The following B4GALT5 variants were observed in gnomAD, a reference collection of about 807,000 sequenced individuals.
B4GALT5 encodes beta-1,4-galactosyltransferase 5.
A neutral mutation model predicts 45.0 loss-of-function variants in B4GALT5; 11 were observed. That is an observed-to-expected ratio of 0.24 (90% CI 0.15 to 0.40). B4GALT5 has a LOEUF of 0.40. B4GALT5 is among the 10% of genes least tolerant of loss of function. B4GALT5 has a pLI of 1.00. For missense variants in B4GALT5, 337 were observed against 500.2 expected (o/e 0.67, Z 3.11); for synonymous variants, 185 against 182.9 (o/e 1.01, Z -0.09).
At chr20:49,650,561 C>G (rs138343002) in intron 2 of B4GALT5, among the ~76,000 whole-genome samples, 3,001 of 151,906 alleles carry the variant, frequency 0.02, 107 homozygotes, top group African/African-American at 0.07. Flanking sequence ...CGCTTGAACC[C>G]AGGAGGCAGA....
intron 1 of B4GALT5, among the ~76,000 whole-genome samples, chr20:49,693,043 T>A (rs2085822916): frequency 6.6e-6 from 1 of 152,218 alleles, no homozygotes; most frequent in African/African-American, 2.4e-5. Flanking sequence ...TGTAGAGATT[T>A]GTAGCCTACG....
intron 1 of B4GALT5, among the ~76,000 whole-genome samples, chr20:49,689,093 G>A (rs1180830169): frequency 6.6e-6 from 1 of 152,144 alleles, no homozygotes; most frequent in Non-Finnish European, 1.5e-5. Context: ...GATTTGTATT[G>A]AGTGCTAGCC....
intron 3 of B4GALT5, among the ~76,000 whole-genome samples, chr20:49,645,029 C>CA (rs971755047): frequency 4.6e-5 from 7 of 151,832 alleles, no homozygotes; most frequent in Middle Eastern, 6.8e-3. Flanking sequence ...ACACGAGATT[C>CA]AAAAAAAAGA....
intron 2 of B4GALT5, among the ~76,000 whole-genome samples, chr20:49,654,114 T>C (rs1568719287): frequency 6.6e-6 from 1 of 152,198 alleles, no homozygotes; most frequent in Non-Finnish European, 1.5e-5. Flanking sequence ...GACACAAATG[T>C]TCCCTTACTC....
chr20:49,646,937 G>A (rs760001137), intron 3 of B4GALT5, 28 bp downstream of exon 3: 1 of 1,453,430 alleles, frequency 6.9e-7, no homozygotes, highest in South Asian at 1.2e-5. Context: ...TTTAAAAGCA[G>A]AGGAAGACAG....
intron 1 of B4GALT5, among the ~76,000 whole-genome samples, chr20:49,688,676 C>G (rs751444231): frequency 6.6e-6 from 1 of 152,124 alleles, no homozygotes; most frequent in African/African-American, 2.4e-5. Flanking sequence ...CAGTGGCTCA[C>G]GCCTGTAATC....
chr20:49,702,168 T>C (rs1055882427), intron 1 of B4GALT5, among the ~76,000 whole-genome samples: 6 of 152,172 alleles, frequency 3.9e-5, no homozygotes, highest in African/African-American at 1.4e-4. Context: ...AAATCCCGTG[T>C]CGCCTGCCGA....
At chr20:49,643,683 T>A (rs953856378) in intron 3 of B4GALT5, 33 bp from the exon 4 acceptor site, 5 of 1,597,794 alleles carry the variant, frequency 3.1e-6, no homozygotes, top group Admixed American at 3.4e-5. Context: ...GATTAAGAGG[T>A]CAGAAAATGA....
chr20:49,651,472 CCAGCTACTCA>C (rs1319170047), intron 2 of B4GALT5, among the ~76,000 whole-genome samples: 8 of 151,806 alleles, frequency 5.3e-5, no homozygotes, highest in Admixed American at 5.3e-4. Flanking sequence ...ACCTGTAATC[CCAGCTACTCA>C]GGAGGCTGAG....
At chr20:49,706,326 A>C (rs985001661) in intron 1 of B4GALT5, among the ~76,000 whole-genome samples, 1 of 152,176 alleles carries the variant, frequency 6.6e-6, no homozygotes, top group Non-Finnish European at 1.5e-5. Context: ...TTTGAAAACA[A>C]AATGAATCTG....
At chr20:49,655,676 C>T (rs1861894131) in intron 2 of B4GALT5, among the ~76,000 whole-genome samples, 1 of 151,978 alleles carries the variant, frequency 6.6e-6, no homozygotes, top group South Asian at 2.1e-4. Flanking sequence ...TGCCTGTAGT[C>T]CCAGCACTTT....
At chr20:49,695,354 T>G (rs189636267) in intron 1 of B4GALT5, among the ~76,000 whole-genome samples, 4 of 152,088 alleles carry the variant, frequency 2.6e-5, no homozygotes, top group Non-Finnish European at 5.9e-5. Context: ...CACTGCTTTA[T>G]ATGGATTAAC....
At chr20:49,708,103 G>C (rs1397891381) in intron 1 of B4GALT5, among the ~76,000 whole-genome samples, 2 of 151,630 alleles carry the variant, frequency 1.3e-5, no homozygotes, top group Admixed American at 1.3e-4. Flanking sequence ...AAAATAGCTG[G>C]GCATGGTGGC....
chr20:49,651,689 T>C (rs997809497), intron 2 of B4GALT5, among the ~76,000 whole-genome samples: 4 of 152,218 alleles, frequency 2.6e-5, no homozygotes, highest in African/African-American at 9.6e-5. Flanking sequence ...CAGACCAACA[T>C]TTCTGTCCAA....
At chr20:49,706,962 G>A (rs541691314) in intron 1 of B4GALT5, among the ~76,000 whole-genome samples, 10 of 152,158 alleles carry the variant, frequency 6.6e-5, no homozygotes, top group Non-Finnish European at 1.3e-4. Context: ...TGCTCTCTCA[G>A]AGAGCTCTAA....
In B4GALT5 at chr20:49,639,770, C is replaced by G. The variant is rs1416901625; in HGVS notation, c.825G>C (p.Val275=). ...GAAATTGTTCCACTGTTAAGCCACT[C>G]ACTCCGCCAAAGAACTCGGTATAAG... ...LLPYTEFFGG[V]SGLTVEQFRK... The change falls in exon 7 of 9, where the codon GTG becomes GTC. Residue 275 remains valine (V), a synonymous_variant. Coordinates refer to ENST00000371711, the MANE Select transcript of B4GALT5 (RefSeq NM_004776.4). The G allele has an allele frequency of 6.2e-7, 1 of 1,613,364 alleles. No individual in the cohort carries two copies. Among genetic ancestry groups the G allele is most frequent in the African/African-American group, 1.3e-5 (1 of 74,880 alleles).
At chr20:49,689,949 A>G (rs1321131620) in intron 1 of B4GALT5, among the ~76,000 whole-genome samples, 1 of 152,174 alleles carries the variant, frequency 6.6e-6, no homozygotes, top group Non-Finnish European at 1.5e-5. Context: ...TCCTGGCCTC[A>G]GGTTCTGAGG....
chr20:49,640,695 G>T (rs370423021), intron 5 of B4GALT5, 30 bp from the exon 6 acceptor site: 4 of 1,553,550 alleles, frequency 2.6e-6, no homozygotes, highest in South Asian at 1.2e-5. Context: ...ATCTTTAAAA[G>T]AATCTTGAAG....
chr20:49,704,727 A>G (rs2085877316), intron 1 of B4GALT5, among the ~76,000 whole-genome samples: 1 of 150,130 alleles, frequency 6.7e-6, no homozygotes, highest in African/African-American at 2.5e-5. Context: ...TCAAAAAAAA[A>G]ACAAAAAAAA....
Sources: allele counts gnomAD v4.1 joint callset (sites outside exome capture counted in the v4.1 genomes callset), GRCh38; gene constraint gnomAD v4.1.1; transcripts MANE v1.5; gene names NCBI Gene and HGNC (gene_info 2026-07-23, HGNC 2026-07-21).